VDAC1: variants seen among roughly 807,000 people sequenced by gnomAD.
VDAC1 encodes the protein voltage dependent anion channel 1, also known as non-selective voltage-gated ion channel VDAC1.
VDAC1 carries 10 observed loss-of-function variants against 34.7 expected under a neutral mutation model. The observed-to-expected ratio is 0.29, with a 90% confidence interval of 0.18 to 0.49. VDAC1 has a LOEUF of 0.49. VDAC1 is among the 20% of genes least tolerant of loss of function. The pLI is 0.99. For synonymous variants in VDAC1, 130 were observed against 136.0 expected (o/e 0.96, Z 0.30); for missense variants, 230 against 347.9 (o/e 0.66, Z 2.69).
chr5:134,019,181 G>C, the VDAC1 span, among the ~76,000 whole-genome samples: 1 of 151,804 alleles, frequency 6.6e-6, no homozygotes, highest in African/African-American at 2.4e-5. Flanking sequence ...CAAAAAACAA[G>C]CAAACAAAAA....
At chr5:134,006,671 A>G (rs1161951294), upstream of VDAC1, among the ~76,000 whole-genome samples, 7 of 148,700 alleles carry the variant, frequency 4.7e-5, no homozygotes, top group Non-Finnish European at 1.0e-4. Flanking sequence ...TGAACTTGGA[A>G]GGAGGAGGCT....
chr5:134,065,134 T>A, the VDAC1 span, among the ~76,000 whole-genome samples: 1 of 152,100 alleles, frequency 6.6e-6, no homozygotes, highest in East Asian at 1.9e-4. Flanking sequence ...TTTCTTTCTC[T>A]AATGTATTCT....
the VDAC1 span, among the ~76,000 whole-genome samples, chr5:134,067,687 G>GGAGGGA: frequency 4.8e-5 from 7 of 147,224 alleles, no homozygotes; most frequent in African/African-American, 1.8e-4. Context: ...GAGGAGAGGG[G>GGAGGGA]GAGGGAGAGG....
intron 6 of VDAC1, among the ~76,000 whole-genome samples, chr5:133,979,424 C>CTTTTTTTTTTTTTTTTTTTTTTTTTT (rs71581380): frequency 1.2e-5 from 1 of 80,992 alleles, no homozygotes; most frequent in African/African-American, 5.1e-5. Flanking sequence ...ATTTTCTTTG[C>CTTTTTTTTTTTTTTTTTTTTTTTTTT]TTTTTTTTTT....
the VDAC1 span, among the ~76,000 whole-genome samples, chr5:134,101,496 G>A: frequency 2.0e-5 from 3 of 151,264 alleles, no homozygotes; most frequent in African/African-American, 4.9e-5. Flanking sequence ...GGAGGCTGAC[G>A]TTGCAGTGAG....
At chr5:134,087,831 G>A in the VDAC1 span, among the ~76,000 whole-genome samples, 2 of 149,264 alleles carry the variant, frequency 1.3e-5, no homozygotes, top group South Asian at 2.1e-4. Flanking sequence ...ACTCCAGTCT[G>A]GGAGATAGAG....
At chr5:134,054,618 C>A in the VDAC1 span, among the ~76,000 whole-genome samples, 1 of 152,052 alleles carries the variant, frequency 6.6e-6, no homozygotes, top group African/African-American at 2.4e-5. Flanking sequence ...CATCGTCATG[C>A]CTAGCTAATT....
the VDAC1 span, among the ~76,000 whole-genome samples, chr5:134,052,518 A>G: frequency 6.6e-6 from 1 of 151,676 alleles, no homozygotes; most frequent in Non-Finnish European, 1.5e-5. Context: ...CTGGTCTCGA[A>G]CTCCTGGGCT....
the VDAC1 span, among the ~76,000 whole-genome samples, chr5:134,018,228 A>C: frequency 6.6e-6 from 1 of 152,226 alleles, no homozygotes; most frequent in African/African-American, 2.4e-5. Context: ...GAGCAGGTAC[A>C]TCATGTGGCA....
the VDAC1 span, among the ~76,000 whole-genome samples, chr5:134,025,506 G>A: frequency 6.6e-6 from 1 of 152,134 alleles, no homozygotes; most frequent in African/African-American, 2.4e-5. Flanking sequence ...AGGGGTGGGG[G>A]AAATGGATGA....
chr5:133,999,695 G>A (rs989165500), intron 1 of VDAC1, among the ~76,000 whole-genome samples: 6 of 152,100 alleles, frequency 3.9e-5, no homozygotes, highest in Admixed American at 6.5e-5. Flanking sequence ...GTAGGCCTCA[G>A]GGTGTTAACA....
chr5:134,061,854 G>A, the VDAC1 span, among the ~76,000 whole-genome samples: 153 of 151,854 alleles, frequency 1.0e-3, 5 homozygotes, highest in Admixed American at 2.2e-3. Flanking sequence ...AGATTTTAAC[G>A]GAAATGCTTA....
At chr5:134,058,415 G>A in the VDAC1 span, among the ~76,000 whole-genome samples, 13 of 151,788 alleles carry the variant, frequency 8.6e-5, no homozygotes, top group South Asian at 8.4e-4. Flanking sequence ...CTGAGTTCAC[G>A]CCATTCTTCT....
the VDAC1 span, among the ~76,000 whole-genome samples, chr5:134,056,064 C>T: frequency 6.6e-6 from 1 of 151,752 alleles, no homozygotes; most frequent in Non-Finnish European, 1.5e-5. Flanking sequence ...TATGGTGAAA[C>T]CCCATCTCTA....
At chr5:134,034,948 G>C in the VDAC1 span, among the ~76,000 whole-genome samples, 1 of 152,096 alleles carries the variant, frequency 6.6e-6, no homozygotes, top group African/African-American at 2.4e-5. Flanking sequence ...GATGGAGAGA[G>C]GGGGGACATG....
the VDAC1 span, among the ~76,000 whole-genome samples, chr5:134,104,536 G>C: frequency 1.3e-5 from 2 of 152,344 alleles, no homozygotes; most frequent in Admixed American, 6.5e-5. Context: ...CACCCTGGGG[G>C]CCCCTCAGGC....
chr5:134,046,811 C>T, the VDAC1 span, among the ~76,000 whole-genome samples: 1 of 152,196 alleles, frequency 6.6e-6, no homozygotes, highest in Non-Finnish European at 1.5e-5. Flanking sequence ...TTCATCTCCA[C>T]TCTACACCTA....
chr5:134,011,037 T>C, the VDAC1 span, among the ~76,000 whole-genome samples: 1 of 152,104 alleles, frequency 6.6e-6, no homozygotes, highest in Admixed American at 6.5e-5. Flanking sequence ...AGTGCAGTAT[T>C]GTTAGCTGTA....
chr5:134,017,812 CTG>C, the VDAC1 span, among the ~76,000 whole-genome samples: 1 of 152,148 alleles, frequency 6.6e-6, no homozygotes, highest in Non-Finnish European at 1.5e-5. Flanking sequence ...ACTCGAGAGG[CTG>C]AGGCAGGAGA....
Sources: gnomAD v4.1 joint callset for allele counts (sites outside exome capture counted in the v4.1 genomes callset) on GRCh38, gnomAD v4.1.1 for gene constraint, MANE v1.5 for transcripts, NCBI Gene and HGNC (gene_info 2026-07-23, HGNC 2026-07-21) for gene names.